TLK1: variants seen among roughly 807,000 people sequenced by gnomAD.
TLK1 encodes serine/threonine-protein kinase tousled-like 1.
A neutral mutation model predicts 105.3 loss-of-function variants in TLK1; 24 were observed. The ratio of observed to expected loss-of-function variants is 0.23; its 90% CI spans 0.17 to 0.32. The LOEUF (loss-of-function observed/expected upper bound fraction) is 0.32. Ranked by LOEUF, TLK1 falls within the 10% of genes least tolerant of loss-of-function variation. The pLI is 1.00. For missense variants in TLK1, 558 were observed against 910.5 expected, an observed-to-expected ratio of 0.61 and a Z score of 4.98; for synonymous variants, 321 against 310.4, an observed-to-expected ratio of 1.03 and a Z score of -0.36.
chr2:171,101,732 AAC>A (rs1200378362), intron 2 of TLK1, among the ~76,000 whole-genome samples: 1 of 152,234 alleles, frequency 6.6e-6, no homozygotes, highest in Non-Finnish European at 1.5e-5. Flanking sequence ...CATTCATGCA[AAC>A]ACTCATATAG....
chr2:171,016,441 T>C (rs1685217772), intron 12 of TLK1, among the ~76,000 whole-genome samples: 1 of 152,176 alleles, frequency 6.6e-6, no homozygotes, highest in Non-Finnish European at 1.5e-5. Flanking sequence ...GCTTAGAATA[T>C]TTTTAGTACG....
rs528506565 is a variant in TLK1, at chr2:171,023,464, C to A, written c.1236+4875G>T. Among the ~76,000 whole-genome samples the A allele has an allele frequency of 1.3e-4, 20 of 151,908 alleles. No homozygotes were observed. In the East Asian group the frequency reaches 1.4e-3, roughly 10 times the overall value. On this transcript the variant is annotated intron_variant, in intron 12 of 20. Coordinates refer to ENST00000431350, the MANE Select transcript of TLK1 (RefSeq NM_012290.5). ...CAAAACACACACATTAAAGCCAATC[C>A]CTACTACACTATTTAATACTCCATA... is the stretch of plus-strand genomic sequence containing the variant.
chr2:170,997,582 T>A (rs574828719), intron 19 of TLK1, 130 bp downstream of exon 19: 1 of 495,440 alleles, frequency 2.0e-6, no homozygotes, highest in African/African-American at 1.9e-5. Flanking sequence ...TAGGAAGAAA[T>A]AGAGGAGAAG....
intron 2 of TLK1, 138 bp from the exon 3 acceptor site, chr2:171,082,990 C>T (rs1688816691): frequency 1.6e-6 from 1 of 607,058 alleles, no homozygotes; most frequent in Non-Finnish European, 2.8e-6. Flanking sequence ...AACAAGGAAG[C>T]CAAATGAGGT....
chr2:171,062,860 A>C (rs1465964589), intron 3 of TLK1, among the ~76,000 whole-genome samples: 1 of 152,258 alleles, frequency 6.6e-6, no homozygotes, highest in African/African-American at 2.4e-5. Context: ...TTCACAAACC[A>C]GAAGTCTTAA....
chr2:171,029,894 C>A (rs902395247), intron 11 of TLK1, among the ~76,000 whole-genome samples: 1 of 152,138 alleles, frequency 6.6e-6, no homozygotes, highest in South Asian at 2.1e-4. Flanking sequence ...TACAGGCACA[C>A]GCCACCATGC....
At chr2:171,136,535 G>A (rs1029841446) in intron 1 of TLK1, among the ~76,000 whole-genome samples, 5 of 152,192 alleles carry the variant, frequency 3.3e-5, no homozygotes, top group African/African-American at 1.2e-4. Context: ...GGGTGACAGA[G>A]TGAGACGCTG....
chr2:171,154,164 G>A (rs993578008), intron 1 of TLK1, among the ~76,000 whole-genome samples: 5 of 151,706 alleles, frequency 3.3e-5, no homozygotes, highest in African/African-American at 1.2e-4. Context: ...TGGGATTACA[G>A]GCCTGAGACA....
chr2:171,076,226 G>A (rs1688497969), intron 3 of TLK1, among the ~76,000 whole-genome samples: 1 of 150,830 alleles, frequency 6.6e-6, no homozygotes, highest in Admixed American at 6.6e-5. Context: ...TCGGAGGGCG[G>A]GGGGAGAAAA....
intron 1 of TLK1, among the ~76,000 whole-genome samples, chr2:171,142,248 A>G (rs1240572098): frequency 1.3e-5 from 2 of 152,214 alleles, no homozygotes; most frequent in Non-Finnish European, 2.9e-5. Context: ...AGAATAAGAG[A>G]AAGTTCAAAC....
intron 11 of TLK1, among the ~76,000 whole-genome samples, chr2:171,031,988 C>T (rs1006754295): frequency 2.0e-5 from 3 of 151,846 alleles, no homozygotes; most frequent in Admixed American, 6.6e-5. Flanking sequence ...CTCAGGAGGC[C>T]GAGGCATGAG....
chr2:171,181,015 T>G (rs1278676162), intron 1 of TLK1, among the ~76,000 whole-genome samples: 1 of 152,194 alleles, frequency 6.6e-6, no homozygotes, highest in African/African-American at 2.4e-5. Context: ...TAAAAAGCTT[T>G]GAGCACAAGA....
intron 1 of TLK1, among the ~76,000 whole-genome samples, chr2:171,134,093 A>AT (rs1691212256): frequency 2.0e-5 from 3 of 152,214 alleles, no homozygotes; most frequent in Admixed American, 6.5e-5. Context: ...GCCATGCAGC[A>AT]TAACAGTTCT....
intron 5 of TLK1, among the ~76,000 whole-genome samples, chr2:171,056,831 C>T (rs1007349044): frequency 1.3e-5 from 2 of 151,854 alleles, no homozygotes; most frequent in African/African-American, 4.8e-5. Flanking sequence ...TTGGTCAACT[C>T]AAAGACAAAT....
chr2:171,002,487 G>T (rs1258196693), intron 18 of TLK1, among the ~76,000 whole-genome samples: 1 of 152,018 alleles, frequency 6.6e-6, no homozygotes, highest in Non-Finnish European at 1.5e-5. Flanking sequence ...TGTTAGCCAG[G>T]ATGGTCTCAA....
At chr2:171,148,651 G>C (rs906029808) in intron 1 of TLK1, among the ~76,000 whole-genome samples, 2 of 152,004 alleles carry the variant, frequency 1.3e-5, no homozygotes, top group Non-Finnish European at 2.9e-5. Flanking sequence ...AGGAGGCCCA[G>C]AAGGGCAGAT....
intron 1 of TLK1, among the ~76,000 whole-genome samples, chr2:171,209,043 C>G (rs886435391): frequency 6.6e-6 from 1 of 152,104 alleles, no homozygotes; most frequent in Admixed American, 6.5e-5. Context: ...TATTTTCTGG[C>G]TATAGGAGAG....
intron 1 of TLK1, among the ~76,000 whole-genome samples, chr2:171,217,097 A>G (rs1005478920): frequency 6.6e-6 from 1 of 152,234 alleles, no homozygotes; most frequent in Admixed American, 6.5e-5. Flanking sequence ...TTCCAACAGC[A>G]GTGCCACAGA....
chr2:171,058,678 C>T (rs967951093), intron 4 of TLK1, among the ~76,000 whole-genome samples: 2 of 152,086 alleles, frequency 1.3e-5, no homozygotes, highest in African/African-American at 4.8e-5. Flanking sequence ...TATATGACCA[C>T]GCTGACAAAG....
Sources: allele counts gnomAD v4.1 joint callset (sites outside exome capture counted in the v4.1 genomes callset), GRCh38; gene constraint gnomAD v4.1.1; transcripts MANE v1.5; gene names NCBI Gene and HGNC (gene_info 2026-07-23, HGNC 2026-07-21).